SORCS2: variants seen among roughly 807,000 people sequenced by gnomAD.
SORCS2 encodes the protein sortilin related VPS10 domain containing receptor 2, also known as VPS10 domain-containing receptor SorCS2.
SORCS2 carries 100 observed loss-of-function variants against 141.6 expected under a neutral mutation model. The ratio of observed to expected loss-of-function variants is 0.71; its 90% CI spans 0.60 to 0.83. The LOEUF is 0.83. SORCS2 is among the 40% of genes least tolerant of loss of function. SORCS2 has a pLI of 0.00. For synonymous variants in SORCS2, 789 were observed against 676.9 expected (o/e 1.17, Z -2.57); for missense variants, 1,646 against 1,560.2 (o/e 1.05, Z -0.93).
chr4:7,712,191 ACTTGTTATTTCT>A (rs1725865163), intron 14 of SORCS2, among the ~76,000 whole-genome samples: 1 of 152,136 alleles, frequency 6.6e-6, no homozygotes, highest in Non-Finnish European at 1.5e-5. Flanking sequence ...GAGCCTGCTG[ACTTGTTATTTCT>A]CTTTGAATCG....
At chr4:7,374,166 T>TCTTTCTTTCTTTCTTC (rs1560229402) in intron 1 of SORCS2, among the ~76,000 whole-genome samples, 7 of 146,544 alleles carry the variant, frequency 4.8e-5, no homozygotes, top group African/African-American at 1.8e-4. Flanking sequence ...TTTCTTTCTT[T>TCTTTCTTTCTTTCTTC]CTTTCTTTCT....
At chr4:7,279,535 T>C (rs1383091020) in intron 1 of SORCS2, among the ~76,000 whole-genome samples, 1 of 152,200 alleles carries the variant, frequency 6.6e-6, no homozygotes, top group Non-Finnish European at 1.5e-5. Context: ...GTTTGATGGC[T>C]TCATCCCCAA....
intron 3 of SORCS2, among the ~76,000 whole-genome samples, chr4:7,614,897 A>G (rs961907991): frequency 6.6e-6 from 1 of 151,600 alleles, no homozygotes; most frequent in African/African-American, 2.4e-5. Flanking sequence ...CCATCCACCC[A>G]TCAATCCATT....
intron 3 of SORCS2, among the ~76,000 whole-genome samples, chr4:7,635,654 G>A (rs566036726): frequency 1.3e-5 from 2 of 152,290 alleles, no homozygotes; most frequent in African/African-American, 4.8e-5. Context: ...GTCGTTAGCT[G>A]TTCTTTGCCA....
At chr4:7,630,090 A>G (rs1250746505) in intron 3 of SORCS2, among the ~76,000 whole-genome samples, 10 of 152,038 alleles carry the variant, frequency 6.6e-5, no homozygotes, top group Non-Finnish European at 1.5e-5. Flanking sequence ...CCTGGGCCCT[A>G]CCCTGCAGGC....
intron 1 of SORCS2, among the ~76,000 whole-genome samples, chr4:7,299,329 C>A (rs11721444): frequency 6.6e-6 from 1 of 151,910 alleles, no homozygotes; most frequent in African/African-American, 2.4e-5. Context: ...CACTGAGCAG[C>A]AGTCCAGGGC....
At chr4:7,723,371 C>T (rs1302569753) in intron 18 of SORCS2, among the ~76,000 whole-genome samples, 1 of 152,126 alleles carries the variant, frequency 6.6e-6, no homozygotes, top group Non-Finnish European at 1.5e-5. Context: ...TGTGGGTCTC[C>T]CCCGGGCCCT....
chr4:7,422,014 G>A (rs1726104287), intron 2 of SORCS2, among the ~76,000 whole-genome samples: 1 of 152,084 alleles, frequency 6.6e-6, no homozygotes, highest in African/African-American at 2.4e-5. Context: ...AAGTGGGAGG[G>A]GTTGAACCAC....
intron 3 of SORCS2, among the ~76,000 whole-genome samples, chr4:7,535,237 C>G (rs553113717): frequency 6.6e-6 from 1 of 152,342 alleles, no homozygotes; most frequent in South Asian, 2.1e-4. Context: ...GGAGGCCCAC[C>G]AAGGGCCTTG....
At chr4:7,706,717 AGATGAGGCTGGGCTCTGCCTGGGCAGG>A (rs1725488462) in intron 14 of SORCS2, among the ~76,000 whole-genome samples, 6 of 123,136 alleles carry the variant, frequency 4.9e-5, no homozygotes, top group Non-Finnish European at 8.5e-5. Flanking sequence ...GCCTGGACAG[AGATGAGGCTGGGCTCTGCCTGGGCAGG>A]GATGAGGCTG....
chr4:7,472,572 G>A (rs1424442112), intron 2 of SORCS2, among the ~76,000 whole-genome samples: 1 of 152,190 alleles, frequency 6.6e-6, no homozygotes, highest in Non-Finnish European at 1.5e-5. Context: ...CTGGGCAGGA[G>A]TGGACAAAGA....
chr4:7,471,893 G>C (rs577519641), intron 2 of SORCS2, among the ~76,000 whole-genome samples: 22 of 152,364 alleles, frequency 1.4e-4, no homozygotes, highest in African/African-American at 5.0e-4. Context: ...ACTGGCCTAG[G>C]TCCAAGCAGT....
At chr4:7,417,348 A>G (rs1725766503) in intron 2 of SORCS2, among the ~76,000 whole-genome samples, 1 of 152,100 alleles carries the variant, frequency 6.6e-6, no homozygotes, top group African/African-American at 2.4e-5. Context: ...TGTCCACAAA[A>G]TGGGAGCTGA....
At chr4:7,505,901 A>T (rs1732249215) in intron 2 of SORCS2, among the ~76,000 whole-genome samples, 1 of 152,220 alleles carries the variant, frequency 6.6e-6, no homozygotes, top group African/African-American at 2.4e-5. Flanking sequence ...ACTGAGAATC[A>T]GGCCTGGTGT....
chr4:7,281,702 G>A (rs867215776), intron 1 of SORCS2, among the ~76,000 whole-genome samples: 19 of 152,186 alleles, frequency 1.2e-4, no homozygotes, highest in African/African-American at 4.1e-4. Flanking sequence ...GGCAGCCTGG[G>A]GGCCGCAGGC....
chr4:7,491,955 C>T (rs1168758879), intron 2 of SORCS2, among the ~76,000 whole-genome samples: 1 of 152,206 alleles, frequency 6.6e-6, no homozygotes, highest in Non-Finnish European at 1.5e-5. Flanking sequence ...GAATGTTGGC[C>T]ACCACCCTTT....
At position 7,433,452 on chromosome 4, in the gene SORCS2, C is replaced by A. The variant is rs55987441; in HGVS notation, c.548+37097C>A. 601 of 1,551,616 alleles carry A rather than the reference C, an allele frequency of 3.9e-4. 3 individuals are homozygous for A. The African/African-American group carries it at 7.1e-3, about 18-fold the overall frequency. ...CCAGGGCACACTGGTCGGTGCCCAG[C>A]AGTGGGGTCCTGGGGCCGTGGCAGG... On this transcript the variant is annotated intron_variant, in intron 2 of 26. Coordinates refer to ENST00000507866, the MANE Select transcript of SORCS2 (RefSeq NM_020777.3).
chr4:7,679,045 A>C (rs1379638990), intron 9 of SORCS2, among the ~76,000 whole-genome samples: 1 of 152,110 alleles, frequency 6.6e-6, no homozygotes, highest in Non-Finnish European at 1.5e-5. Flanking sequence ...GGGATAATTC[A>C]TGGTGGGGCT....
chr4:7,368,551 C>T (rs1478499006), intron 1 of SORCS2, among the ~76,000 whole-genome samples: 1 of 152,184 alleles, frequency 6.6e-6, no homozygotes, highest in Non-Finnish European at 1.5e-5. Context: ...GCAGGCCCAG[C>T]CACGCCTCTC....
Sources: allele counts gnomAD v4.1 joint callset (sites outside exome capture counted in the v4.1 genomes callset), GRCh38; gene constraint gnomAD v4.1.1; transcripts MANE v1.5; gene names NCBI Gene and HGNC (gene_info 2026-07-23, HGNC 2026-07-21).